The following AMOTL1 variants were observed in gnomAD, a reference collection of about 807,000 sequenced individuals.
The protein encoded by AMOTL1 is angiomotin-like protein 1.
Under a neutral mutation model 102.9 loss-of-function variants are expected in AMOTL1, and 45 were observed. That is an observed-to-expected ratio of 0.44 (90% confidence interval 0.34 to 0.56). The LOEUF is 0.56. Among genes scored for constraint, AMOTL1 ranks in the 20% least tolerant of loss-of-function variants. The probability of loss-of-function intolerance (pLI) is 0.01; values close to 1 mark genes in which losing one functional copy is unlikely to be tolerated. For missense variants in AMOTL1, 1,114 were observed against 1,225.6 expected, an observed-to-expected ratio of 0.91 and a Z score of 1.36; for synonymous variants, 481 against 484.7, an observed-to-expected ratio of 0.99 and a Z score of 0.10.
At chr11:94,768,277 A>C, upstream of AMOTL1, 4 of 1,226,500 alleles carry the variant, frequency 3.3e-6, no homozygotes, top group Non-Finnish European at 2.0e-6. Context: ...GCGGGGGTGG[A>C]GTGTAGGGTT....
intron 1 of AMOTL1, among the ~76,000 whole-genome samples, chr11:94,778,202 A>G (rs547908229): frequency 2.0e-5 from 3 of 152,268 alleles, no homozygotes; most frequent in East Asian, 3.9e-4. Context: ...GGGTGGATAA[A>G]TACAGATTAG....
At chr11:94,794,984 A>T (rs1951338990) in intron 1 of AMOTL1, 27 bp from the exon 2 acceptor site, 10 of 1,597,778 alleles carry the variant, frequency 6.3e-6, no homozygotes, top group Non-Finnish European at 6.8e-6. Context: ...ATGGGCACTC[A>T]TATTCACTTC....
chr11:94,869,447 C>T lies in AMOTL1; in HGVS notation c.2738C>T (p.Ala913Val), dbSNP rs374295834. 5.9e-5 allele frequency: 94 copies of T among 1,602,392 alleles called. No individual in the cohort carries two copies. Among genetic ancestry groups the T allele is most frequent in the Non-Finnish European group, 7.2e-5 (85 of 1,174,818 alleles). The change falls in exon 12 of 13, where the codon GCG (alanine) becomes GTG (valine). Residue 913 changes from alanine to valine, a missense_variant. By Grantham distance (64) the Ala-to-Val change is moderately conservative. Transcript: ENST00000433060. ...PAHSPVLKHP[A>V]AKGTAEKLEN... Reference sequence around the variant, plus strand: ...CACAGCCCCGTCCTGAAACACCCAGCGGCCAAAGGGACCGCAGAGAAACTG... The same window carrying T: ...CACAGCCCCGTCCTGAAACACCCAGTGGCCAAAGGGACCGCAGAGAAACTG...
At chr11:94,771,012 G>C (rs1950940829) in intron 1 of AMOTL1, among the ~76,000 whole-genome samples, 1 of 152,108 alleles carries the variant, frequency 6.6e-6, no homozygotes, top group Non-Finnish European at 1.5e-5. Flanking sequence ...GAAAGGTATA[G>C]CCTCTAGGTA....
intron 1 of AMOTL1, among the ~76,000 whole-genome samples, chr11:94,793,705 G>A (rs906955086): frequency 3.3e-5 from 5 of 152,342 alleles, no homozygotes; most frequent in African/African-American, 9.6e-5. Flanking sequence ...TTTCAGGTTA[G>A]TCTTTGTAGG....
At chr11:94,813,280 G>A (rs1689749150) in intron 3 of AMOTL1, among the ~76,000 whole-genome samples, 2 of 152,216 alleles carry the variant, frequency 1.3e-5, no homozygotes, top group Non-Finnish European at 2.9e-5. Context: ...CTCAGAATAA[G>A]TCCAGCAGAT....
Position 94,771,264 on chromosome 11 carries a change from G to GGC in AMOTL1, c.49+2705_49+2706insCG, listed in dbSNP as rs1555067570. 3.0e-4 allele frequency among the ~76,000 whole-genome samples: 44 copies of GGC among 145,050 alleles called. 3 individuals carry two copies. The highest frequency in any genetic ancestry group is 1.0e-3 in the East Asian group (5 of 4,888). On this transcript the variant is annotated intron_variant, in intron 1 of 12. Transcript: ENST00000433060. Reference sequence around the variant, plus strand: ...TCTTTTCTTTTTGGCGGGGTTGGGGGGGGGGTGCGGTGTGTGGCTATCTGC... The same window carrying GGC: ...TCTTTTCTTTTTGGCGGGGTTGGGGGGCGGGGGTGCGGTGTGTGGCTATCTGC...
intron 1 of AMOTL1, among the ~76,000 whole-genome samples, chr11:94,724,539 A>G (rs1334641026): frequency 6.6e-6 from 1 of 152,126 alleles, no homozygotes; most frequent in Non-Finnish European, 1.5e-5. Flanking sequence ...ATCCATTCCA[A>G]CTTCCAGATT....
chr11:94,749,431 C>T (rs1016329415), intron 3 of AMOTL1, among the ~76,000 whole-genome samples: 20 of 152,346 alleles, frequency 1.3e-4, no homozygotes, highest in African/African-American at 4.3e-4. Context: ...AGTCTACCTA[C>T]TCAAATGCCA....
At position 94,865,928 on chromosome 11, in the gene AMOTL1, G is replaced by A. The variant is rs1224657304; in HGVS notation, c.2262-14G>A. On this transcript the variant is annotated splice_polypyrimidine_tract_variant and intron_variant, in intron 10 of 12. Transcript: ENST00000433060. The stretch of plus-strand genomic sequence containing the variant: ...AGTGGCTTTTTATGGAGACTGTTTT[G>A]TTTTGTTTTACAGTATTAAAAATCT... 1.2e-6 allele frequency: 2 copies of A among 1,606,752 alleles called. No individual in the cohort carries two copies. Among genetic ancestry groups the A allele is most frequent in the Non-Finnish European group, 1.7e-6 (2 of 1,175,794 alleles).
intron 1 of AMOTL1, among the ~76,000 whole-genome samples, chr11:94,786,089 T>A (rs1350891241): frequency 1.3e-5 from 2 of 152,226 alleles, no homozygotes; most frequent in African/African-American, 4.8e-5. Flanking sequence ...ATAGGGTTTA[T>A]TTATTAAAAC....
chr11:94,857,282 C>T (rs895158502), intron 8 of AMOTL1, among the ~76,000 whole-genome samples: 1 of 152,196 alleles, frequency 6.6e-6, no homozygotes, highest in African/African-American at 2.4e-5. Flanking sequence ...TTCTCATTGC[C>T]ATCATTACCT....
chr11:94,759,861 G>A (rs940872287), intron 3 of AMOTL1, among the ~76,000 whole-genome samples: 3 of 152,162 alleles, frequency 2.0e-5, no homozygotes, highest in Non-Finnish European at 4.4e-5. Context: ...CCTTATTTAG[G>A]TTGAAATTCT....
intron 3 of AMOTL1, among the ~76,000 whole-genome samples, chr11:94,817,099 A>G (rs1119801): frequency 0.23 from 35,336 of 152,138 alleles, 4,758 homozygotes; most frequent in East Asian, 0.47. Context: ...AGATAATTAA[A>G]ATTTAATAAA....
At chr11:94,789,650 T>C (rs1489742210) in intron 1 of AMOTL1, among the ~76,000 whole-genome samples, 3 of 152,184 alleles carry the variant, frequency 2.0e-5, no homozygotes, top group Admixed American at 6.5e-5. Flanking sequence ...TTTGAAAACA[T>C]TGTTTCCAGG....
chr11:94,864,637 T>C, intron 9 of AMOTL1, 98 bp from the exon 10 acceptor site: 1 of 1,511,520 alleles, frequency 6.6e-7, no homozygotes, highest in Non-Finnish European at 8.9e-7. Context: ...CTGATCTCTG[T>C]TCCAGCATGA....
intron 1 of AMOTL1, among the ~76,000 whole-genome samples, chr11:94,727,085 G>T (rs1047384877): frequency 1.1e-4 from 16 of 152,068 alleles, no homozygotes; most frequent in Admixed American, 8.5e-4. Context: ...GAAGCCAGAG[G>T]GTACCTAGGC....
At chr11:94,765,160 G>A (rs141684835), upstream of AMOTL1, among the ~76,000 whole-genome samples, 54 of 152,310 alleles carry the variant, frequency 3.5e-4, no homozygotes, top group African/African-American at 1.3e-3. Context: ...CATCTTCTTA[G>A]CTTTCTTAGG....
At chr11:94,709,931 C>A (rs1197500942) in intron 1 of AMOTL1, among the ~76,000 whole-genome samples, 2 of 152,168 alleles carry the variant, frequency 1.3e-5, no homozygotes, top group African/African-American at 4.8e-5. Context: ...TGCATATTTC[C>A]TGGCCTTATA....
Sources: allele counts gnomAD v4.1 joint callset (sites outside exome capture counted in the v4.1 genomes callset), GRCh38; gene constraint gnomAD v4.1.1; transcripts MANE v1.5; gene names NCBI Gene and HGNC (gene_info 2026-07-23, HGNC 2026-07-21).